ZNF362: variants seen among roughly 807,000 people sequenced by gnomAD.
The protein encoded by ZNF362 is rotund homolog.
A neutral mutation model predicts 42.9 loss-of-function variants in ZNF362; 11 were observed. The observed-to-expected ratio is 0.26, with a 90% CI of 0.16 to 0.42. The LOEUF is 0.42. ZNF362 is among the 20% of genes least tolerant of loss of function. The probability of loss-of-function intolerance (pLI) is 1.00; values close to 1 mark genes in which losing one functional copy is unlikely to be tolerated. For missense variants in ZNF362, 362 were observed against 576.2 expected, an observed-to-expected ratio of 0.63 and a Z score of 3.81; for synonymous variants, 255 against 257.3, an observed-to-expected ratio of 0.99 and a Z score of 0.09.
chr1:33,206,213 CAAT>C, the ZNF362 span, among the ~76,000 whole-genome samples: 1 of 152,020 alleles, frequency 6.6e-6, no homozygotes, highest in African/African-American at 2.4e-5. Flanking sequence ...ATGAAAACTA[CAAT>C]AAGATACTAC....
rs1054293639 is a variant in ZNF362 at position 33,294,607 on chromosome 1, G to C, written c.909-330G>C. On this transcript the variant is annotated intron_variant, in intron 6 of 8. Transcript: ENST00000539719. The surrounding 1 kb of genome is among the most constrained non-coding windows in gnomAD (Gnocchi z 4.2). ...TGTTCTTTGCAATATGTGGTCCGTAGTGTGGGGTTTTCAAAGAGAGGGGCA... is the reference window on the plus strand; with the variant it reads ...TGTTCTTTGCAATATGTGGTCCGTACTGTGGGGTTTTCAAAGAGAGGGGCA... 6.6e-6 allele frequency among the ~76,000 whole-genome samples: 1 copy of C among 152,208 alleles called. No individual in the cohort carries two copies. The highest frequency in any genetic ancestry group is 1.5e-5 in the Non-Finnish European group (1 of 68,030).
chr1:33,163,686 C>CGCCAGG, the ZNF362 span: 1 of 152,360 alleles, frequency 6.6e-6, no homozygotes, highest in Non-Finnish European at 1.5e-5. Context: ...TGCATCACCC[C>CGCCAGG]GCCAGGGCGC....
chr1:33,192,671 C>T, the ZNF362 span, among the ~76,000 whole-genome samples: 1 of 152,160 alleles, frequency 6.6e-6, no homozygotes, highest in South Asian at 2.1e-4. Flanking sequence ...TATTTATATA[C>T]CAATGCTGAG....
the ZNF362 span, chr1:33,165,438 C>T: frequency 6.5e-7 from 1 of 1,541,460 alleles, no homozygotes; most frequent in Non-Finnish European, 8.8e-7. The surrounding 1 kb of genome is among the most constrained non-coding windows in gnomAD (Gnocchi z 4.0). Flanking sequence ...CTCATCTCTG[C>T]CGGCCCCACC....
the ZNF362 span, among the ~76,000 whole-genome samples, chr1:33,178,429 A>G: frequency 6.6e-6 from 1 of 152,188 alleles, no homozygotes; most frequent in Non-Finnish European, 1.5e-5. Context: ...TCTGCCACCA[A>G]ATTGCCAAGC....
chr1:33,258,572 T>C (rs1419761802), intron 1 of ZNF362, among the ~76,000 whole-genome samples: 1 of 152,160 alleles, frequency 6.6e-6, no homozygotes, highest in Non-Finnish European at 1.5e-5. Flanking sequence ...GAAGTCACGC[T>C]ACCAGGTAGA....
At chr1:33,256,743 G>A (rs1645794193) in intron 1 of ZNF362, 89 bp downstream of exon 1, 1 of 145,726 alleles carries the variant, frequency 6.9e-6, no homozygotes, top group Non-Finnish European at 1.5e-5. Context: ...GCGGGCGGGG[G>A]CCGGGCCGGG....
At chr1:33,184,857 T>G in the ZNF362 span, among the ~76,000 whole-genome samples, 1,170 of 152,314 alleles carry the variant, frequency 7.7e-3, 13 homozygotes, top group African/African-American at 0.026. Flanking sequence ...CTTGGCTCAC[T>G]GCAACCTCTG....
chr1:33,173,986 T>C, the ZNF362 span, among the ~76,000 whole-genome samples: 3 of 151,888 alleles, frequency 2.0e-5, no homozygotes, highest in African/African-American at 7.3e-5. Context: ...ATTAGAAGCA[T>C]AAGCCACTGT....
the ZNF362 span, chr1:33,146,211 A>T: frequency 2.1e-5 from 5 of 242,992 alleles, no homozygotes; most frequent in Middle Eastern, 1.6e-3. Context: ...TCCTTGTCTA[A>T]TTAAACCAGC....
chr1:33,178,511 C>T, the ZNF362 span, among the ~76,000 whole-genome samples: 1 of 152,220 alleles, frequency 6.6e-6, no homozygotes, highest in Non-Finnish European at 1.5e-5. Flanking sequence ...CTCAGCTGGG[C>T]ACATGAGCTC....
Position 33,280,528 on chromosome 1 carries a change from C to T in ZNF362, c.683+71C>T. On this transcript the variant is annotated intron_variant, in intron 5 of 8. Coordinates refer to ENST00000539719, the MANE Select transcript of ZNF362 (RefSeq NM_152493.3). The surrounding 1 kb of genome is among the most constrained non-coding windows in gnomAD (Gnocchi z 5.6). Reference sequence around the variant, plus strand: ...GCTTGAGCCAGGGCTGCTCCAGGAGCCCAGCAGCGGGGCTGAAACAGGACC... The same window carrying T: ...GCTTGAGCCAGGGCTGCTCCAGGAGTCCAGCAGCGGGGCTGAAACAGGACC... 3 of 1,473,794 alleles carry T rather than the reference C, an allele frequency of 2.0e-6. No homozygotes were observed. The highest frequency in any genetic ancestry group is 2.7e-6 in the Non-Finnish European group (3 of 1,106,718). 91.3% of individuals were successfully genotyped at this position (1,473,794 alleles called of 1,614,324 possible). A position where few individuals can be genotyped will look rare whatever the true frequency, so the allele number is the denominator to read the frequency against.
the ZNF362 span, among the ~76,000 whole-genome samples, chr1:33,247,374 C>A: frequency 1.1e-4 from 16 of 152,252 alleles, no homozygotes; most frequent in Admixed American, 1.0e-3. Context: ...TTTGAGCCAG[C>A]ACCCAAAATG....
chr1:33,267,990 A>T (rs948042005), intron 1 of ZNF362, among the ~76,000 whole-genome samples: 1 of 152,204 alleles, frequency 6.6e-6, no homozygotes, highest in Admixed American at 6.5e-5. Context: ...GAGCGTGCCA[A>T]TTTCACCATA....
At chr1:33,181,471 G>C in the ZNF362 span, 2 of 1,543,186 alleles carry the variant, frequency 1.3e-6, no homozygotes, top group Admixed American at 4.0e-5. This position sits in a 1 kb window ranked among gnomAD's most constrained non-coding sequence, Gnocchi z 6.5. Flanking sequence ...CGAGGGGCAG[G>C]GGGGCGGCTG....
rs530125362 is a variant in ZNF362, at chr1:33,264,982, C to T, written c.-88-5505C>T. ...TATATGTTATATTTCAAAACACTCA[C>T]AGCATCTACCTCATGGGGTCGTTAG... On this transcript the variant is annotated intron_variant, in intron 1 of 8. Coordinates refer to ENST00000539719, the MANE Select transcript of ZNF362 (RefSeq NM_152493.3). Among the ~76,000 whole-genome samples the T allele has an allele frequency of 1.4e-4, 22 of 152,182 alleles. No homozygotes were observed. The South Asian group carries it at 4.4e-3, about 30-fold the overall frequency.
At chr1:33,164,955 ATT>A in the ZNF362 span, 151 of 124,804 alleles carry the variant, frequency 1.2e-3, no homozygotes, top group East Asian at 3.7e-3. Flanking sequence ...GCTATATTCA[ATT>A]TTTTTTTTTT....
chr1:33,203,628 A>G, the ZNF362 span, among the ~76,000 whole-genome samples: 13 of 152,082 alleles, frequency 8.5e-5, no homozygotes, highest in East Asian at 2.3e-3. Flanking sequence ...CACTCTTAAC[A>G]TGTGTTATCT....
chr1:33,195,516 C>T, the ZNF362 span: 3 of 152,194 alleles, frequency 2.0e-5, no homozygotes, highest in Non-Finnish European at 4.4e-5. Flanking sequence ...ATGTCATAGC[C>T]TACTACACAC....
Sources: gnomAD v4.1 joint callset for allele counts (sites outside exome capture counted in the v4.1 genomes callset) on GRCh38, gnomAD v4.1.1 for gene constraint, Gnocchi (gnomAD v3.1) non-coding constraint, MANE v1.5 for transcripts, NCBI Gene and HGNC (gene_info 2026-07-23, HGNC 2026-07-21) for gene names.